The following KSR2 variants were observed in gnomAD, a reference collection of about 807,000 sequenced individuals.
KSR2 encodes the protein kinase suppressor of ras 2.
A neutral mutation model predicts 107.8 loss-of-function variants in KSR2; 25 were observed. The ratio of observed to expected loss-of-function variants is 0.23; its 90% CI spans 0.17 to 0.32. The LOEUF (loss-of-function observed/expected upper bound fraction) is 0.32, where lower values mean the gene tolerates loss of function less well. Among genes scored for constraint, KSR2 ranks in the 10% least tolerant of loss-of-function variants. KSR2 has a pLI of 1.00. For missense variants in KSR2, 887 were observed against 1,268.9 expected, an observed-to-expected ratio of 0.70 and a Z score of 4.57; for synonymous variants, 480 against 507.0, an observed-to-expected ratio of 0.95 and a Z score of 0.71.
chr12:117,611,307 G>C (rs1881581423), intron 5 of KSR2, among the ~76,000 whole-genome samples: 1 of 152,142 alleles, frequency 6.6e-6, no homozygotes, highest in South Asian at 2.1e-4. Context: ...ACTCAAGAAA[G>C]CTTAGAAAGT....
chr12:117,898,934 C>A (rs1018615006), intron 1 of KSR2, among the ~76,000 whole-genome samples: 2 of 152,130 alleles, frequency 1.3e-5, no homozygotes, highest in African/African-American at 4.8e-5. Context: ...AACATAAATT[C>A]CTACTTGGAG....
rs1032167776 is a variant in KSR2 at position 117,454,643 on chromosome 12, G to C, written c.*12556C>G. On this transcript the variant is annotated 3_prime_UTR_variant, in exon 20 of 20. Transcript: ENST00000339824. Reference sequence around the variant, plus strand: ...TTGCCCATCATACCTGAAATGTTTAGTTAGAGACCCTCAGTGTAGGGTCTT... The same window carrying C: ...TTGCCCATCATACCTGAAATGTTTACTTAGAGACCCTCAGTGTAGGGTCTT... 6.6e-6 allele frequency: 1 copy of C among 152,182 alleles called. No homozygotes were observed. 9.4% of individuals were successfully genotyped at this position (152,182 alleles called of 1,614,324 possible). A position where few individuals can be genotyped will look rare whatever the true frequency, so the allele number is the denominator to read the frequency against.
intron 1 of KSR2, among the ~76,000 whole-genome samples, chr12:117,889,245 C>A (rs1176864616): frequency 6.6e-6 from 1 of 152,180 alleles, no homozygotes; most frequent in Non-Finnish European, 1.5e-5. Context: ...AGTTCACCAG[C>A]AACGGAAATC....
chr12:117,754,413 A>C (rs571038831), intron 4 of KSR2, among the ~76,000 whole-genome samples: 1 of 151,410 alleles, frequency 6.6e-6, no homozygotes, highest in Non-Finnish European at 1.5e-5. Flanking sequence ...TGAGGCGGGA[A>C]GATCACCTGA....
chr12:117,774,428 C>A (rs1219513867), intron 3 of KSR2, among the ~76,000 whole-genome samples: 1 of 152,062 alleles, frequency 6.6e-6, no homozygotes, highest in Non-Finnish European at 1.5e-5. Flanking sequence ...GGGCACTAGC[C>A]CCGCCCCAGG....
At chr12:117,898,971 G>A (rs957541690) in intron 1 of KSR2, among the ~76,000 whole-genome samples, 4 of 152,150 alleles carry the variant, frequency 2.6e-5, no homozygotes, top group Admixed American at 2.6e-4. Flanking sequence ...GACAACCTTA[G>A]AAGTTTCTTC....
rs1184310678 is a variant in KSR2 at position 117,539,845 on chromosome 12, G to A, written c.1561C>T (p.Pro521Ser). The change falls in exon 10 of 20, where the codon CCC becomes TCC. Residue 521 changes from proline (P) to serine (S), a missense_variant. Around this residue, in one of 8 missense-constraint regions of KSR2, gnomAD observed 5 missense variants for 30.4 expected, o/e 0.16. Transcript: ENST00000339824. ...VPYQPDSSSN[P>S]SSTTSSTPSS... Reference sequence around the variant, plus strand: ...GGCGTGGAGGACGTCGTGGAGGAGGGGTTGCTGCTGGAGTCTGGCTGGTAA... The same window carrying A: ...GGCGTGGAGGACGTCGTGGAGGAGGAGTTGCTGCTGGAGTCTGGCTGGTAA... 6.2e-7 allele frequency: 1 copy of A among 1,610,628 alleles called. No individual in the cohort carries two copies.
At chr12:117,593,835 A>G (rs1385434332) in intron 5 of KSR2, among the ~76,000 whole-genome samples, 1 of 152,232 alleles carries the variant, frequency 6.6e-6, no homozygotes, top group Non-Finnish European at 1.5e-5. Context: ...AAGACAAAAT[A>G]TGGGAAGAGG....
At chr12:117,873,707 T>C (rs1019945726) in intron 1 of KSR2, among the ~76,000 whole-genome samples, 8 of 152,144 alleles carry the variant, frequency 5.3e-5, no homozygotes, top group Non-Finnish European at 1.2e-4. Context: ...GTGATCCGCC[T>C]GCCTTGGCCT....
At chr12:117,804,632 A>G (rs186108694) in intron 3 of KSR2, among the ~76,000 whole-genome samples, 11 of 152,332 alleles carry the variant, frequency 7.2e-5, no homozygotes, top group African/African-American at 2.6e-4. Flanking sequence ...TGAGAAAGAC[A>G]AAGAAATCTT....
intron 5 of KSR2, among the ~76,000 whole-genome samples, chr12:117,655,270 A>C (rs1478740732): frequency 1.3e-5 from 2 of 152,148 alleles, no homozygotes; most frequent in Non-Finnish European, 2.9e-5. Context: ...ATTGCCTCTG[A>C]CCAAGGCACT....
intron 4 of KSR2, among the ~76,000 whole-genome samples, chr12:117,719,825 T>C (rs1213866048): frequency 2.0e-5 from 3 of 152,230 alleles, no homozygotes; most frequent in Admixed American, 6.5e-5. Flanking sequence ...CCTTCAAACA[T>C]TGGTCTTGTA....
intron 5 of KSR2, among the ~76,000 whole-genome samples, chr12:117,615,013 T>A (rs1019540256): frequency 1.3e-5 from 2 of 152,068 alleles, no homozygotes; most frequent in Non-Finnish European, 2.9e-5. Context: ...TTCAGAGACC[T>A]AGGATGCCGT....
At position 117,967,469 on chromosome 12, in the gene KSR2, G is replaced by A. The variant is rs1436762061; in HGVS notation, c.180+607C>T. ...CATCAAAACGATTGGATTGGAAATG[G>A]GTAGTTCCATAGGAATTTTTTTTTT... On this transcript the variant is annotated intron_variant, in intron 1 of 19. Transcript: ENST00000339824. 2.6e-5 allele frequency among the ~76,000 whole-genome samples: 4 copies of A among 152,066 alleles called. No homozygotes were observed. The East Asian group carries it at 7.7e-4, about 29-fold the overall frequency.
intron 7 of KSR2, among the ~76,000 whole-genome samples, chr12:117,564,644 T>C (rs900538042): frequency 6.6e-6 from 1 of 152,244 alleles, no homozygotes; most frequent in Non-Finnish European, 1.5e-5. Flanking sequence ...CATCTCTGTC[T>C]GAATATTAAA....
At chr12:117,479,472 C>T (rs1170077517) in intron 16 of KSR2, among the ~76,000 whole-genome samples, 2 of 152,148 alleles carry the variant, frequency 1.3e-5, no homozygotes, top group Non-Finnish European at 2.9e-5. Flanking sequence ...TTGGGGGACA[C>T]GGGGGCTGTC....
At chr12:117,883,875 CAAAAA>C (rs34939587) in intron 1 of KSR2, among the ~76,000 whole-genome samples, 7 of 93,834 alleles carry the variant, frequency 7.5e-5, no homozygotes, top group Non-Finnish European at 1.2e-4. Context: ...GTCTCCATCT[CAAAAA>C]AAAAAAAAAA....
chr12:117,675,716 G>A (rs1565955782), intron 4 of KSR2, among the ~76,000 whole-genome samples: 1 of 152,286 alleles, frequency 6.6e-6, no homozygotes, highest in South Asian at 2.1e-4. Context: ...CGTGTGGGTT[G>A]TGTCCCCTTC....
Position 117,476,603 on chromosome 12 carries a change from A to G in KSR2, c.2451-8T>C, listed in dbSNP as rs1351137991. On this transcript the variant is annotated splice_polypyrimidine_tract_variant and splice_region_variant and intron_variant, in intron 16 of 19. Transcript: ENST00000339824. ...CGCAGTTTGTCCTCCCGCCTGGAGA[A>G]GCAAAGCACAGGATGAGCTCTGTTT... 3.1e-6 allele frequency: 5 copies of G among 1,607,688 alleles called. No individual in the cohort carries two copies. The highest frequency in any genetic ancestry group is 4.2e-6 in the Non-Finnish European group (5 of 1,177,092).
Sources: allele counts gnomAD v4.1 joint callset (sites outside exome capture counted in the v4.1 genomes callset), GRCh38; gene constraint gnomAD v4.1.1; regional missense constraint gnomAD v4.1.1; transcripts MANE v1.5; gene names NCBI Gene and HGNC (gene_info 2026-07-23, HGNC 2026-07-21).